The following RALGPS1 variants were observed in gnomAD, a reference collection of about 807,000 sequenced individuals.
RALGPS1 encodes ras-specific guanine nucleotide-releasing factor RalGPS1.
In RALGPS1, 19 loss-of-function variants were observed where a neutral mutation model predicts 78.8. The ratio of observed to expected loss-of-function variants is 0.24; its 90% CI spans 0.17 to 0.35. RALGPS1 has a LOEUF of 0.35. Among genes scored for constraint, RALGPS1 ranks in the 10% least tolerant of loss-of-function variants. RALGPS1 has a pLI of 1.00. For synonymous variants in RALGPS1, 228 were observed against 256.3 expected (o/e 0.89, Z 1.06); for missense variants, 454 against 688.3 (o/e 0.66, Z 3.81).
chr9:127,053,757 G>A lies in RALGPS1; in HGVS notation c.483+818G>A, dbSNP rs1178624762. Among the ~76,000 whole-genome samples, 3 of 152,172 alleles carry A rather than the reference G, an allele frequency of 2.0e-5. No homozygotes were observed. In the South Asian group the frequency reaches 6.2e-4, roughly 32 times the overall value. On this transcript the variant is annotated intron_variant, in intron 7 of 18. Transcript: ENST00000259351. ...TCTGTTTCCTACTTGGCTGGTTCAA[G>A]GGCTTTTAAAATACTCAGGGATTAT...
chr9:126,951,163 G>C (rs1182883600), intron 1 of RALGPS1, among the ~76,000 whole-genome samples: 1 of 151,408 alleles, frequency 6.6e-6, no homozygotes, highest in Admixed American at 6.6e-5. Flanking sequence ...AGCTGAAATT[G>C]TGGCAATAAT....
intron 11 of RALGPS1, among the ~76,000 whole-genome samples, chr9:127,186,297 G>GA (rs2060637666): frequency 6.6e-6 from 1 of 152,202 alleles, no homozygotes; most frequent in Non-Finnish European, 1.5e-5. Context: ...TTATGCTGAG[G>GA]AAAAATGGAG....
At chr9:127,134,007 C>T (rs946117105) in intron 8 of RALGPS1, among the ~76,000 whole-genome samples, 3 of 61,226 alleles carry the variant, frequency 4.9e-5, no homozygotes, top group African/African-American at 1.1e-4. Context: ...TGTCCTCGCT[C>T]CCCCCCCCGT....
At chr9:126,952,654 A>AGT (rs1392225698) in intron 1 of RALGPS1, among the ~76,000 whole-genome samples, 5 of 137,996 alleles carry the variant, frequency 3.6e-5, no homozygotes, top group African/African-American at 1.0e-4. Flanking sequence ...AGAGAGAGAG[A>AGT]GAGTGTGTGT....
At chr9:127,093,575 A>T (rs188609944) in intron 8 of RALGPS1, among the ~76,000 whole-genome samples, 1 of 152,250 alleles carries the variant, frequency 6.6e-6, no homozygotes, top group Non-Finnish European at 1.5e-5. Context: ...CCCTGTCTGC[A>T]TCCTTCTCGC....
chr9:126,916,391 C>T (rs539470903), intron 1 of RALGPS1, among the ~76,000 whole-genome samples: 20 of 152,204 alleles, frequency 1.3e-4, no homozygotes, highest in Non-Finnish European at 2.8e-4. Flanking sequence ...CTTTAGACCC[C>T]AACCCCGGTG....
chr9:127,110,061 T>G (rs1305790270), intron 8 of RALGPS1, among the ~76,000 whole-genome samples: 2 of 152,140 alleles, frequency 1.3e-5, no homozygotes, highest in Non-Finnish European at 1.5e-5. Context: ...TGACCTCACA[T>G]CCCCTCTGCA....
At chr9:126,917,227 T>A (rs2034265866) in intron 1 of RALGPS1, among the ~76,000 whole-genome samples, 1 of 152,018 alleles carries the variant, frequency 6.6e-6, no homozygotes, top group South Asian at 2.1e-4. Context: ...ATGTGAGAGT[T>A]CTCCCACTCT....
At chr9:126,932,308 T>C (rs1454984153) in intron 1 of RALGPS1, among the ~76,000 whole-genome samples, 1 of 152,318 alleles carries the variant, frequency 6.6e-6, no homozygotes, top group East Asian at 1.9e-4. Flanking sequence ...AATCGGTCTA[T>C]CCACTTTGGA....
intron 4 of RALGPS1, among the ~76,000 whole-genome samples, chr9:126,985,119 TG>T (rs2041675449): frequency 6.6e-6 from 1 of 152,230 alleles, no homozygotes; most frequent in South Asian, 2.1e-4. Flanking sequence ...GCCCATGGAA[TG>T]TGGGCAGCAT....
chr9:127,000,911 T>G (rs2043238009), intron 4 of RALGPS1, among the ~76,000 whole-genome samples: 1 of 151,778 alleles, frequency 6.6e-6, no homozygotes, highest in South Asian at 2.1e-4. Flanking sequence ...ATGACTTAAT[T>G]TAAATTTATT....
intron 8 of RALGPS1, chr9:127,108,578 C>T: frequency 6.2e-7 from 1 of 1,613,506 alleles, no homozygotes; most frequent in East Asian, 2.2e-5. Context: ...GTGCACTTGT[C>T]CTGGGACTCG....
Position 127,188,056 on chromosome 9 carries a change from CTTTTTTT to C in RALGPS1, c.911-7017_911-7011del, listed in dbSNP as rs35971647. ...ATATTCTTTGGTTAAGAATTAGAGCCTTTTTTTTTTTTTTTTTTTTTTTTAGACGGAG... is the reference window on the plus strand; with the variant it reads ...ATATTCTTTGGTTAAGAATTAGAGCCTTTTTTTTTTTTTTTTTAGACGGAG... On this transcript the variant is annotated intron_variant, in intron 11 of 18. Transcript: ENST00000259351. Among the ~76,000 whole-genome samples the C allele has an allele frequency of 6.1e-5, 5 of 81,668 alleles. No homozygotes were observed. In the South Asian group the frequency reaches 2.9e-3, roughly 47 times the overall value. 53.6% of individuals were successfully genotyped at this position (81,668 alleles called of 152,430 possible).
chr9:126,916,177 A>G (rs2119411942), intron 1 of RALGPS1, among the ~76,000 whole-genome samples: 1 of 152,278 alleles, frequency 6.6e-6, no homozygotes. Flanking sequence ...TGGAGAGTCT[A>G]AAGAAGAGAG....
chr9:127,068,739 T>C (rs1458965684), intron 7 of RALGPS1, among the ~76,000 whole-genome samples: 1 of 152,200 alleles, frequency 6.6e-6, no homozygotes, highest in Non-Finnish European at 1.5e-5. Context: ...AGCAGAGATG[T>C]TGCTTCTTGT....
rs1298963123 is a variant in RALGPS1 at position 127,205,885 on chromosome 9, T to A, written c.1248-6246T>A. 6.6e-6 allele frequency among the ~76,000 whole-genome samples: 1 copy of A among 152,220 alleles called. No homozygotes were observed. Among genetic ancestry groups the A allele is most frequent in the Non-Finnish European group, 1.5e-5 (1 of 68,032 alleles). On this transcript the variant is annotated intron_variant, in intron 14 of 18. Transcript: ENST00000259351. This position sits in a 1 kb window ranked among gnomAD's most constrained non-coding sequence, Gnocchi z 4.0. ...GCATACCTGGCTTGGATCACTGGTG[T>A]TGCCCTGTCCACTTAGCTGTCAGAA... is the stretch of plus-strand genomic sequence containing the variant.
chr9:126,937,660 CA>C (rs1160073045), intron 1 of RALGPS1, among the ~76,000 whole-genome samples: 1 of 152,162 alleles, frequency 6.6e-6, no homozygotes, highest in African/African-American at 2.4e-5. Context: ...CTCCAGTCAT[CA>C]CATCTGCATT....
chr9:127,182,823 A>G (rs2060365598), intron 11 of RALGPS1, among the ~76,000 whole-genome samples: 1 of 151,926 alleles, frequency 6.6e-6, no homozygotes, highest in Non-Finnish European at 1.5e-5. Context: ...CCTAGTACCT[A>G]TTTTCTGTGT....
At position 127,069,321 on chromosome 9, in the gene RALGPS1, G is replaced by A. The variant is rs550974318; in HGVS notation, c.575G>A (p.Arg192Gln). The A allele has an allele frequency of 3.5e-5, 57 of 1,614,032 alleles. No individual in the cohort carries two copies. The South Asian group carries it at 4.4e-4, about 12-fold the overall frequency. The stretch of plus-strand genomic sequence containing the variant: ...TACAAGCGGACACGGGAATATATCC[G>A]AAGCCTGAAGATGGTTCCAAGTATT... The part of the protein sequence containing the change: ...DNYKRTREYI[R>Q]SLKMVPSIPY... The change falls in exon 8 of 19, where the codon CGA (arginine) becomes CAA (glutamine). Residue 192 changes from arginine (R) to glutamine (Q), a missense_variant. Arg to Gln is a conservative substitution (Grantham distance 43). Transcript: ENST00000259351.
Sources: gnomAD v4.1 joint callset for allele counts (sites outside exome capture counted in the v4.1 genomes callset) on GRCh38, gnomAD v4.1.1 for gene constraint, Gnocchi (gnomAD v3.1) non-coding constraint, MANE v1.5 for transcripts, NCBI Gene and HGNC (gene_info 2026-07-23, HGNC 2026-07-21) for gene names.